DNAH17: variants seen among roughly 807,000 people sequenced by gnomAD.
DNAH17 encodes axonemal beta dynein heavy chain 17.
Under a neutral mutation model 485.6 loss-of-function variants are expected in DNAH17, and 376 were observed. The ratio of observed to expected loss-of-function variants is 0.77; its 90% CI spans 0.71 to 0.84. The LOEUF (loss-of-function observed/expected upper bound fraction) is 0.84, where lower values mean the gene tolerates loss of function less well. Among genes scored for constraint, DNAH17 ranks in the 40% least tolerant of loss-of-function variants. DNAH17 has a pLI of 0.00. For synonymous variants in DNAH17, 3,031 were observed against 2,405.9 expected (o/e 1.26, Z -7.60); for missense variants, 6,370 against 5,839.3 (o/e 1.09, Z -2.96).
chr17:78,492,229 A>C (rs1308302655), intron 42 of DNAH17, among the ~76,000 whole-genome samples: 1 of 151,886 alleles, frequency 6.6e-6, no homozygotes, highest in Admixed American at 6.6e-5. Flanking sequence ...TAAAGTGCAA[A>C]CCCAGTGACG....
At position 78,571,680 on chromosome 17, in the gene DNAH17, C is replaced by T. The variant is rs150356181; in HGVS notation, c.642G>A (p.Gln214=). 992 of 1,614,026 alleles carry T rather than the reference C, an allele frequency of 6.1e-4. 11 individuals carry two copies. In the African/African-American group the frequency reaches 0.011, roughly 18 times the overall value. ...GGGGGTGCAGCCCATCCAGCAGCGCCTGGGCTGAGTCTTTGCTCAGCACAT... is the reference window on the plus strand; with the variant it reads ...GGGGGTGCAGCCCATCCAGCAGCGCTTGGGCTGAGTCTTTGCTCAGCACAT... ...IRDVLSKDSA[Q]ALLDGLHPLP... Residue 214 remains glutamine, a synonymous_variant, in exon 4 of 81, where the codon CAG becomes CAA. Coordinates refer to ENST00000389840, the MANE Select transcript of DNAH17 (RefSeq NM_173628.4).
rs769122950 is a variant in DNAH17 at position 78,455,731 on chromosome 17, G to A, written c.10083C>T (p.Ala3361=). The change falls in exon 63 of 81, where the codon GCC becomes GCT. Residue 3361 remains alanine (A), a synonymous_variant. Coordinates refer to ENST00000389840, the MANE Select transcript of DNAH17 (RefSeq NM_173628.4). ...TGAAGTAGCCCACGTAGGACACGAA[G>A]GCAGAGATGAGCAGGACGTCCCCAC... is the stretch of plus-strand genomic sequence containing the variant. ...TLCGDVLLIS[A]FVSYVGYFTK... 2.5e-6 allele frequency: 4 copies of A among 1,611,694 alleles called. No homozygotes were observed. Among genetic ancestry groups the A allele is most frequent in the South Asian group, 2.2e-5 (2 of 90,386 alleles).
At chr17:78,516,080 G>A (rs540772847) in intron 25 of DNAH17, among the ~76,000 whole-genome samples, 1 of 152,296 alleles carries the variant, frequency 6.6e-6, no homozygotes, top group East Asian at 1.9e-4. Context: ...AAACATCTGA[G>A]CTTGAGAACG....
At chr17:78,572,606 C>A in intron 3 of DNAH17, 95 bp downstream of exon 3, 1 of 1,115,506 alleles carries the variant, frequency 9.0e-7, no homozygotes, top group Non-Finnish European at 1.2e-6. Flanking sequence ...AGGGAAACAA[C>A]GGGTCGGAGT....
intron 12 of DNAH17, among the ~76,000 whole-genome samples, chr17:78,561,255 T>A (rs1038920364): frequency 2.0e-5 from 3 of 150,954 alleles, no homozygotes; most frequent in African/African-American, 7.3e-5. Flanking sequence ...GCCAACTAGA[T>A]GAAAGCAAAT....
rs575275579 is a variant in DNAH17, at chr17:78,569,355, G to T, written c.1197+20C>A. The T allele has an allele frequency of 6.2e-7, 1 of 1,611,818 alleles. No homozygotes were observed. The highest frequency in any genetic ancestry group is 8.5e-7 in the Non-Finnish European group (1 of 1,178,860). The stretch of plus-strand genomic sequence containing the variant: ...ACTCACTCGTCCTGCCTTGGCCCTC[G>T]CCCTGCGAGGAAGGGGTACCTTAAA... On this transcript the variant is annotated intron_variant, in intron 8 of 80. Transcript: ENST00000389840.
Position 78,451,645 on chromosome 17 carries a change from C to T in DNAH17, c.10558G>A (p.Glu3520Lys). The T allele has an allele frequency of 1.3e-6, 2 of 1,585,882 alleles. No homozygotes were observed. The highest frequency in any genetic ancestry group is 2.3e-5 in the South Asian group (2 of 87,018). Residue 3520 changes from glutamate (E) to lysine (K), a missense_variant, in exon 66 of 81, where the codon GAG becomes AAG. By Grantham distance (56) the Glu-to-Lys change is moderately conservative. Transcript: ENST00000389840. ...KYIKIGDKEV[E>K]YHPKFRLILH... ...ATCAGGCGGAACTTGGGGTGGTACT[C>T]CACCTCCTTGTCACCGATCTTAATG...
At chr17:78,555,535 T>A (rs1294699075) in intron 14 of DNAH17, among the ~76,000 whole-genome samples, 1 of 85,536 alleles carries the variant, frequency 1.2e-5, no homozygotes, top group Non-Finnish European at 2.1e-5. Flanking sequence ...AGGAGCAAGA[T>A]TCCGTCACAA....
chr17:78,428,323 G>A (rs530004450), intron 77 of DNAH17: 186 of 655,874 alleles, frequency 2.8e-4, no homozygotes, highest in African/African-American at 2.7e-3. Flanking sequence ...ACGCTCACCC[G>A]AAGCCTGCAG....
At chr17:78,461,744 G>A in intron 57 of DNAH17, 36 bp from the exon 58 acceptor site, 1 of 1,587,130 alleles carries the variant, frequency 6.3e-7, no homozygotes, top group Non-Finnish European at 8.6e-7. Flanking sequence ...GCAAGTGTGG[G>A]CCGCAGCCGA....
chr17:78,454,843 T>A, intron 63 of DNAH17, 138 bp from the exon 64 acceptor site: 1 of 702,204 alleles, frequency 1.4e-6, no homozygotes, highest in East Asian at 2.7e-5. Flanking sequence ...AGCCAGCCAT[T>A]TCCATCACTC....
At chr17:78,520,752 C>G (rs1357550452) in intron 25 of DNAH17, among the ~76,000 whole-genome samples, 1 of 152,106 alleles carries the variant, frequency 6.6e-6, no homozygotes, top group Non-Finnish European at 1.5e-5. Context: ...TGGAGAGATA[C>G]ATTATGTTAT....
rs768243410 is a variant in DNAH17, at chr17:78,444,785, T to C, written c.11347A>G (p.Met3783Val). Residue 3783 changes from methionine (M) to valine (V), a missense_variant, in exon 71 of 81, where the codon ATG (methionine) becomes GTG (valine). Met to Val is a conservative substitution (Grantham distance 21, BLOSUM62 1). Coordinates refer to ENST00000389840, the MANE Select transcript of DNAH17 (RefSeq NM_173628.4). The stretch of plus-strand genomic sequence containing the variant: ...CTGTCCAGATTTTTGAACTCATCCA[T>C]CTCCGAGAGGGCCTAGGGGCAGAGG... Reference protein sequence around the residue: ...GWGGIKALSEMDEFKNLDSDI... With the variant: ...GWGGIKALSEVDEFKNLDSDI... 44 of 1,571,764 alleles carry C rather than the reference T, an allele frequency of 2.8e-5. No homozygotes were observed. The highest frequency in any genetic ancestry group is 1.4e-4 in the Admixed American group (7 of 51,224).
rs1188652772 is a variant in DNAH17 at position 78,462,711 on chromosome 17, G to A, written c.9174+133C>T. 5.0e-6 allele frequency: 4 copies of A among 801,986 alleles called. No homozygotes were observed. In the African/African-American group the frequency reaches 5.2e-5, roughly 10 times the overall value. 49.7% of individuals were successfully genotyped at this position (801,986 alleles called of 1,614,324 possible). A position where few individuals can be genotyped will look rare whatever the true frequency, so the allele number is the denominator to read the frequency against. ...AGGAGTAAATGCTTCTCAAAGGCAG[G>A]AAGCGTGCTCATCTTACTTTAGGCA... On this transcript the variant is annotated intron_variant, in intron 57 of 80. Transcript: ENST00000389840.
chr17:78,502,455 GT>G (rs1206290741), intron 33 of DNAH17, 135 bp downstream of exon 33: 14 of 821,362 alleles, frequency 1.7e-5, no homozygotes, highest in Admixed American at 3.1e-5. Context: ...GGAAACGACG[GT>G]TTTGCGGGGC....
chr17:78,561,631 T>TC (rs2092156904), intron 12 of DNAH17, 84 bp downstream of exon 12: 1 of 1,444,910 alleles, frequency 6.9e-7, no homozygotes, highest in African/African-American at 1.4e-5. Context: ...GGAGGGGTGG[T>TC]CCCGCTCGGG....
rs529907184 is a variant in DNAH17 at position 78,477,562 on chromosome 17, A to G, written c.7993-829T>C. Among the ~76,000 whole-genome samples, 3 of 152,220 alleles carry G rather than the reference A, an allele frequency of 2.0e-5. No individual in the cohort carries two copies. The South Asian group carries it at 6.2e-4, about 32-fold the overall frequency. ...CCCAGCTAATTTTTGTATTTTTAGT[A>G]GACACAGGGTTTCACCATGTTGGCC... On this transcript the variant is annotated intron_variant, in intron 51 of 80. Coordinates refer to ENST00000389840, the MANE Select transcript of DNAH17 (RefSeq NM_173628.4).
chr17:78,546,792 G>A (rs1483163044), intron 16 of DNAH17, among the ~76,000 whole-genome samples: 3 of 152,132 alleles, frequency 2.0e-5, no homozygotes, highest in Non-Finnish European at 1.5e-5. Flanking sequence ...TGTAATCCCA[G>A]CTATTTGGGA....
rs765500418 is a variant in DNAH17 at position 78,501,195 on chromosome 17, T to A, written c.5472A>T (p.Pro1824=). The A allele has an allele frequency of 6.3e-7, 1 of 1,577,060 alleles. No individual in the cohort carries two copies. Among genetic ancestry groups the A allele is most frequent in the Non-Finnish European group, 8.7e-7 (1 of 1,153,902 alleles). The change falls in exon 35 of 81, where the codon CCA becomes CCT. Residue 1824 remains proline (P), a synonymous_variant. Transcript: ENST00000389840. ...LGNTPRLVIT[P]LTDRCYITLT... ...GGGACGGGCCTCACCTGTCAGTGAG[T>A]GGGGTGATGACCAGCCGCGGCGTGT...
Sources: allele counts gnomAD v4.1 joint callset (sites outside exome capture counted in the v4.1 genomes callset), GRCh38; gene constraint gnomAD v4.1.1; transcripts MANE v1.5; gene names NCBI Gene and HGNC (gene_info 2026-07-23, HGNC 2026-07-21).